CNTNAP2: variants seen among roughly 807,000 people sequenced by gnomAD.
CNTNAP2 encodes the protein contactin-associated protein-like 2.
CNTNAP2 carries 98 observed loss-of-function variants against 155.2 expected under a neutral mutation model. The observed-to-expected ratio is 0.63, with a 90% CI of 0.54 to 0.75. The LOEUF (loss-of-function observed/expected upper bound fraction) is 0.75. Ranked by LOEUF, CNTNAP2 falls within the 30% of genes least tolerant of loss-of-function variation. The pLI, the probability that CNTNAP2 is intolerant of heterozygous loss-of-function variation, is 0.00. For synonymous variants in CNTNAP2, 651 were observed against 631.2 expected (o/e 1.03, Z -0.47); for missense variants, 1,727 against 1,688.1 (o/e 1.02, Z -0.40).
At chr7:146,128,631 T>C (rs1489156094) in intron 1 of CNTNAP2, among the ~76,000 whole-genome samples, 1 of 152,160 alleles carries the variant, frequency 6.6e-6, no homozygotes, top group African/African-American at 2.4e-5. Flanking sequence ...TATTTACTTA[T>C]GTCCTCCAAA....
intron 8 of CNTNAP2, among the ~76,000 whole-genome samples, chr7:147,177,437 T>A (rs1802372845): frequency 6.6e-6 from 1 of 152,140 alleles, no homozygotes; most frequent in African/African-American, 2.4e-5. Flanking sequence ...CCGCCGTGAT[T>A]CTAAGTTTTC....
intron 2 of CNTNAP2, among the ~76,000 whole-genome samples, chr7:146,795,503 G>C (rs1802752845): frequency 6.6e-6 from 1 of 152,200 alleles, no homozygotes; most frequent in South Asian, 2.1e-4. Flanking sequence ...AGTAAAGTCA[G>C]TGTGCCAAAT....
intron 1 of CNTNAP2, among the ~76,000 whole-genome samples, chr7:146,414,378 G>A (rs531061241): frequency 6.6e-6 from 1 of 152,246 alleles, no homozygotes; most frequent in East Asian, 1.9e-4. Context: ...GCTTTTAGAA[G>A]TTGAGAAGTG....
intron 1 of CNTNAP2, among the ~76,000 whole-genome samples, chr7:146,261,906 G>GA (rs1375290155): frequency 2.0e-5 from 3 of 152,174 alleles, no homozygotes; most frequent in Admixed American, 2.0e-4. Context: ...TGGATAGGAA[G>GA]AAATGAAATT....
At chr7:147,777,319 C>T (rs964027160) in intron 13 of CNTNAP2, among the ~76,000 whole-genome samples, 34 of 152,034 alleles carry the variant, frequency 2.2e-4, no homozygotes, top group African/African-American at 8.0e-4. Flanking sequence ...ATAAGTTCAC[C>T]TTGTCCTTAT....
At chr7:148,312,421 C>CG (rs1344955278) in intron 21 of CNTNAP2, among the ~76,000 whole-genome samples, 30 of 152,202 alleles carry the variant, frequency 2.0e-4, no homozygotes, top group African/African-American at 7.2e-4. Flanking sequence ...TGAAGCCTTG[C>CG]GGCAGTACAG....
chr7:147,382,452 T>C (rs1414849510), intron 9 of CNTNAP2, among the ~76,000 whole-genome samples: 1 of 152,196 alleles, frequency 6.6e-6, no homozygotes, highest in Non-Finnish European at 1.5e-5. Flanking sequence ...GATTGATTAA[T>C]ATGCACAAAC....
At chr7:147,753,567 T>C (rs971211051) in intron 13 of CNTNAP2, among the ~76,000 whole-genome samples, 1 of 152,236 alleles carries the variant, frequency 6.6e-6, no homozygotes, top group Admixed American at 6.5e-5. Context: ...GCCATGTCTA[T>C]GTACTTATGA....
At chr7:146,177,629 G>C (rs1056117774) in intron 1 of CNTNAP2, among the ~76,000 whole-genome samples, 4 of 152,162 alleles carry the variant, frequency 2.6e-5, no homozygotes, top group African/African-American at 9.7e-5. Flanking sequence ...CTCTTCACAT[G>C]TCAAGCTATG....
chr7:147,013,836 G>C (rs914091358), intron 3 of CNTNAP2, among the ~76,000 whole-genome samples: 1 of 152,112 alleles, frequency 6.6e-6, no homozygotes, highest in African/African-American at 2.4e-5. Context: ...AATATTGGTA[G>C]ACCCAATGTC....
At chr7:146,377,762 T>C (rs139474500) in intron 1 of CNTNAP2, among the ~76,000 whole-genome samples, 1 of 152,322 alleles carries the variant, frequency 6.6e-6, no homozygotes, top group East Asian at 1.9e-4. Context: ...AGTAAACTTA[T>C]ATGATGTCTA....
intron 1 of CNTNAP2, among the ~76,000 whole-genome samples, chr7:146,561,373 G>A (rs143511660): frequency 0.014 from 2,165 of 152,186 alleles, 34 homozygotes; most frequent in Middle Eastern, 0.058. Context: ...ATTACAATAA[G>A]GTCGGGTACA....
intron 8 of CNTNAP2, among the ~76,000 whole-genome samples, chr7:147,220,838 C>T (rs920550459): frequency 4.6e-5 from 7 of 152,040 alleles, no homozygotes; most frequent in African/African-American, 1.7e-4. Flanking sequence ...CTCAGCCTCC[C>T]GAGTAGCTGG....
intron 11 of CNTNAP2, among the ~76,000 whole-genome samples, chr7:147,511,459 AT>A (rs36064860): frequency 0.042 from 6,179 of 146,864 alleles, 362 homozygotes; most frequent in African/African-American, 0.14. Context: ...TTAAAACAAC[AT>A]TTTTTTTTTT....
At chr7:148,106,624 G>C (rs925829536) in intron 15 of CNTNAP2, among the ~76,000 whole-genome samples, 1 of 151,600 alleles carries the variant, frequency 6.6e-6, no homozygotes, top group Non-Finnish European at 1.5e-5. Flanking sequence ...GCCTCCCAAA[G>C]TGCTGGGATT....
chr7:146,696,850 T>A (rs1047153640), intron 1 of CNTNAP2, among the ~76,000 whole-genome samples: 2 of 152,204 alleles, frequency 1.3e-5, no homozygotes, highest in African/African-American at 4.8e-5. Flanking sequence ...ACTTTGACTT[T>A]AATTTCATTC....
intron 8 of CNTNAP2, among the ~76,000 whole-genome samples, chr7:147,138,656 G>A (rs939376294): frequency 1.4e-4 from 22 of 151,970 alleles, no homozygotes; most frequent in African/African-American, 4.6e-4. Flanking sequence ...AAAAAGGACC[G>A]GGGGAGAGTT....
chr7:147,821,633 T>C (rs1307002735), intron 13 of CNTNAP2, among the ~76,000 whole-genome samples: 1 of 152,064 alleles, frequency 6.6e-6, no homozygotes, highest in African/African-American at 2.4e-5. Flanking sequence ...CCAGGAAGGA[T>C]TCAGAGATGT....
chr7:148,036,820 T>C (rs943617280), intron 15 of CNTNAP2, among the ~76,000 whole-genome samples: 1 of 152,134 alleles, frequency 6.6e-6, no homozygotes, highest in African/African-American at 2.4e-5. Flanking sequence ...TGGATGGAAA[T>C]GTCTGATTCT....
Sources: gnomAD v4.1 joint callset for allele counts (sites outside exome capture counted in the v4.1 genomes callset) on GRCh38, gnomAD v4.1.1 for gene constraint, MANE v1.5 for transcripts, NCBI Gene and HGNC (gene_info 2026-07-23, HGNC 2026-07-21) for gene names.